The following ANKHD1 variants were observed in gnomAD, a reference collection of about 807,000 sequenced individuals.
ANKHD1 encodes the protein ankyrin repeat and KH domain containing 1.
Under a neutral mutation model 230.5 loss-of-function variants are expected in ANKHD1, and 31 were observed. That is an observed-to-expected ratio of 0.13 (90% CI 0.10 to 0.18). ANKHD1 has a LOEUF of 0.18. Ranked by LOEUF, ANKHD1 falls within the 10% of genes least tolerant of loss-of-function variation. ANKHD1 has a pLI of 1.00. For missense variants in ANKHD1, 2,256 were observed against 3,071.3 expected (o/e 0.73, Z 6.27); for synonymous variants, 1,074 against 1,117.6 (o/e 0.96, Z 0.78).
At position 140,464,888 on chromosome 5, in the gene ANKHD1, TAAAA is replaced by T. The variant is rs1775978982; in HGVS notation, c.1782+115_1782+118del. 4 of 1,116,868 alleles carry T rather than the reference TAAAA, an allele frequency of 3.6e-6. No individual in the cohort carries two copies. In the African/African-American group the frequency reaches 6.3e-5, roughly 18 times the overall value. 69.2% of individuals were successfully genotyped at this position (1,116,868 alleles called of 1,614,324 possible). ...TTTGCGTACTTTGTATACAGTAACT[TAAAA>T]AAGCTTGGCTACCTGTTCTAGTTGT... On this transcript the variant is annotated intron_variant, in intron 10 of 33. Transcript: ENST00000360839.
At chr5:140,436,597 T>G (rs1296937717) in intron 2 of ANKHD1, among the ~76,000 whole-genome samples, 5 of 151,968 alleles carry the variant, frequency 3.3e-5, no homozygotes. Flanking sequence ...TAGAAAAAAA[T>G]TAGCCAGGTA....
rs778911810 is a variant in ANKHD1 at position 140,505,243 on chromosome 5, A to G, written c.3262+10A>G. The stretch of plus-strand genomic sequence containing the variant: ...CACAGAGACAAAAAAGGTAAATATC[A>G]GTCAGAAATAAAATCCAAGTGTAGT... On this transcript the variant is annotated intron_variant, in intron 17 of 33. Coordinates refer to ENST00000360839, the MANE Select transcript of ANKHD1 (RefSeq NM_017747.3). 6 of 1,613,748 alleles carry G rather than the reference A, an allele frequency of 3.7e-6. No homozygotes were observed. Among genetic ancestry groups the G allele is most frequent in the Non-Finnish European group, 5.1e-6 (6 of 1,179,848 alleles).
chr5:140,491,190 G>A (rs1486888136), intron 14 of ANKHD1, among the ~76,000 whole-genome samples: 7 of 112,136 alleles, frequency 6.2e-5, no homozygotes, highest in Non-Finnish European at 3.4e-5. Flanking sequence ...TTGAGACAGG[G>A]TCTCACTTTG....
Position 140,510,010 on chromosome 5 carries a change from T to C in ANKHD1, c.3942-9T>C. The C allele has an allele frequency of 1.2e-6, 2 of 1,604,612 alleles. No individual in the cohort carries two copies. The highest frequency in any genetic ancestry group is 1.7e-6 in the Non-Finnish European group (2 of 1,174,718). ...CAGGAAACAAACTATTAATATGCCTTGTTTACAGGGGAGCCCACATTGATG... is the reference window on the plus strand; with the variant it reads ...CAGGAAACAAACTATTAATATGCCTCGTTTACAGGGGAGCCCACATTGATG... On this transcript the variant is annotated splice_polypyrimidine_tract_variant and intron_variant, in intron 21 of 33. Coordinates refer to ENST00000360839, the MANE Select transcript of ANKHD1 (RefSeq NM_017747.3).
intron 1 of ANKHD1, among the ~76,000 whole-genome samples, chr5:140,412,477 T>C (rs765294053): frequency 6.6e-6 from 1 of 152,198 alleles, no homozygotes; most frequent in Non-Finnish European, 1.5e-5. Flanking sequence ...TTATATTTTT[T>C]AATGAAATTA....
At chr5:140,497,742 A>G (rs1041674440) in intron 15 of ANKHD1, among the ~76,000 whole-genome samples, 6 of 152,196 alleles carry the variant, frequency 3.9e-5, no homozygotes, top group Non-Finnish European at 8.8e-5. Context: ...TGGGATGTTC[A>G]GATAAAACTA....
chr5:140,479,242 C>G (rs1373629477), intron 10 of ANKHD1, among the ~76,000 whole-genome samples: 1 of 151,916 alleles, frequency 6.6e-6, no homozygotes, highest in Non-Finnish European at 1.5e-5. Flanking sequence ...CATGATCCCC[C>G]CCGCCTCGGC....
chr5:140,474,533 C>T (rs1581310210), intron 10 of ANKHD1, among the ~76,000 whole-genome samples: 1 of 150,578 alleles, frequency 6.6e-6, no homozygotes, highest in East Asian at 1.9e-4. Context: ...TTATCTAAAG[C>T]CAAATAGAAA....
intron 6 of ANKHD1, among the ~76,000 whole-genome samples, 192 bp downstream of exon 6, chr5:140,446,167 T>G (rs1205834783): frequency 6.6e-6 from 1 of 152,196 alleles, no homozygotes; most frequent in Non-Finnish European, 1.5e-5. Context: ...AGTATATGTT[T>G]ATTATTTTAA....
At position 140,525,998 on chromosome 5, in the gene ANKHD1, G is replaced by A; in HGVS notation, c.4495G>A (p.Glu1499Lys). The A allele has an allele frequency of 1.3e-6, 2 of 1,565,536 alleles. No individual in the cohort carries two copies. Among genetic ancestry groups the A allele is most frequent in the Non-Finnish European group, 1.7e-6 (2 of 1,162,918 alleles). The change falls in exon 26 of 34, where the codon GAG (glutamate) becomes AAG (lysine). Residue 1499 changes from glutamate to lysine, a missense_variant and splice_region_variant. Glu to Lys is a moderately conservative substitution (Grantham distance 56). This residue lies in a region of ANKHD1 where 212 missense variants were observed against 257.3 expected (regional missense o/e 0.82). Coordinates refer to ENST00000360839, the MANE Select transcript of ANKHD1 (RefSeq NM_017747.3). ...EDEEENDEDV[E>K]QEVPIEPPSA... ...TTTATTCTTTTTAACAATTTCAGTG[G>A]AGCAAGAAGTTCCCATAGAACCTCC...
intron 22 of ANKHD1, among the ~76,000 whole-genome samples, chr5:140,510,929 C>T (rs1165131982): frequency 1.3e-5 from 2 of 151,362 alleles, no homozygotes. Flanking sequence ...CTCAATTGAT[C>T]CTCCCGCCTC....
intron 14 of ANKHD1, among the ~76,000 whole-genome samples, chr5:140,493,753 G>A (rs190815988): frequency 2.8e-4 from 43 of 152,144 alleles, no homozygotes; most frequent in Non-Finnish European, 5.0e-4. Flanking sequence ...TGCTACATAC[G>A]TTCTGGGCTT....
intron 4 of ANKHD1, 151 bp from the exon 5 acceptor site, chr5:140,440,844 T>A (rs1303057646): frequency 1.0e-6 from 1 of 956,108 alleles, no homozygotes; most frequent in Non-Finnish European, 1.4e-6. Flanking sequence ...TGTTAAGCAG[T>A]GAGTATTGGC....
chr5:140,496,438 GTTTTCTTTTTTTTTTTTCTTTTCTTTT>G lies in ANKHD1; in HGVS notation c.2246-77_2246-51del, dbSNP rs1367789943. ...TCCGTGTGTGTGGGAGGGGAGGCTG[GTTTTCTTTTTTTTTTTTCTTTTCTTTT>G]TTTTTTTTTTTTTTTTTAGCATGGC... On this transcript the variant is annotated intron_variant, in intron 14 of 33. Coordinates refer to ENST00000360839, the MANE Select transcript of ANKHD1 (RefSeq NM_017747.3). 1.9e-5 allele frequency: 22 copies of G among 1,159,224 alleles called. No individual in the cohort carries two copies. In the East Asian group the frequency reaches 2.6e-4, roughly 13 times the overall value. 71.8% of individuals were successfully genotyped at this position (1,159,224 alleles called of 1,614,324 possible).
chr5:140,529,514 C>T lies in ANKHD1; in HGVS notation c.6568C>T (p.Gln2190Ter), dbSNP rs1019647570. The change falls in exon 29 of 34, where the codon CAG (glutamine) becomes TAG (stop). Residue 2190 changes from glutamine to a stop codon, truncating the protein, a stop_gained. Coordinates refer to ENST00000360839, the MANE Select transcript of ANKHD1 (RefSeq NM_017747.3). LOFTEE classifies it high-confidence loss of function. ...SSAVNIMNGS[Q>*]MHINPANKSL... is the part of the protein sequence containing the mutation. ...AGCTGTGAACATTATGAATGGTTCTCAGATGCACATAAACCCAGCAAATAA... is the reference window on the plus strand; with the variant it reads ...AGCTGTGAACATTATGAATGGTTCTTAGATGCACATAAACCCAGCAAATAA... 6.2e-7 allele frequency: 1 copy of T among 1,614,104 alleles called. No homozygotes were observed.
intron 14 of ANKHD1, 63 bp from the exon 15 acceptor site, chr5:140,496,457 T>TTTTA: frequency 8.6e-7 from 1 of 1,167,336 alleles, no homozygotes; most frequent in Non-Finnish European, 1.1e-6. Flanking sequence ...TTTTTTTTTC[T>TTTTA]TTTCTTTTTT....
intron 1 of ANKHD1, among the ~76,000 whole-genome samples, chr5:140,425,547 C>T (rs938369930): frequency 6.6e-6 from 1 of 151,718 alleles, no homozygotes; most frequent in African/African-American, 2.4e-5. Context: ...GCATGAGCCA[C>T]TGCCCCAGGC....
chr5:140,529,318 T>C lies in ANKHD1; in HGVS notation c.6372T>C (p.Pro2124=). 6.2e-7 allele frequency: 1 copy of C among 1,614,194 alleles called. No homozygotes were observed. The highest frequency in any genetic ancestry group is 1.1e-5 in the South Asian group (1 of 91,084). The change falls in exon 29 of 34, where the codon CCT becomes CCC. Residue 2124 remains proline (P), a synonymous_variant. Coordinates refer to ENST00000360839, the MANE Select transcript of ANKHD1 (RefSeq NM_017747.3). ...AADNQDTSNL[P]QLAVPAPRVS... is the part of the protein sequence containing the mutation. ...ATAATCAGGACACCAGTAATTTACC[T>C]CAGTTAGCTGTACCAGCACCTCGAG...
At chr5:140,538,796 A>C (rs535693951) in intron 32 of ANKHD1, 123 bp from the exon 33 acceptor site, 1 of 1,168,018 alleles carries the variant, frequency 8.6e-7, no homozygotes, top group East Asian at 3.0e-5. Flanking sequence ...CTGTACTTAT[A>C]GGATCTTTTG....
Sources: allele counts gnomAD v4.1 joint callset (sites outside exome capture counted in the v4.1 genomes callset), GRCh38; gene constraint gnomAD v4.1.1; regional missense constraint gnomAD v4.1.1; transcripts MANE v1.5; gene names NCBI Gene and HGNC (gene_info 2026-07-23, HGNC 2026-07-21).